RORB: variants seen among roughly 807,000 people sequenced by gnomAD.
The protein encoded by RORB is nuclear receptor ROR-beta.
RORB carries 6 observed loss-of-function variants against 59.1 expected under a neutral mutation model. The observed-to-expected ratio is 0.10, with a 90% CI of 0.06 to 0.20. The LOEUF is 0.20. RORB is among the 10% of genes least tolerant of loss of function. The pLI is 1.00. For synonymous variants in RORB, 215 were observed against 204.5 expected (o/e 1.05, Z -0.44); for missense variants, 320 against 560.5 (o/e 0.57, Z 4.33).
At chr9:74,639,514 A>T (rs374439784) in intron 3 of RORB, among the ~76,000 whole-genome samples, 10 of 139,100 alleles carry the variant, frequency 7.2e-5, no homozygotes, top group Admixed American at 1.4e-4. Context: ...AAAGGGTTTT[A>T]AAAAAAAAAA....
intron 1 of RORB, among the ~76,000 whole-genome samples, chr9:74,622,614 C>T (rs1157979522): frequency 6.7e-6 from 1 of 149,446 alleles, no homozygotes; most frequent in Non-Finnish European, 1.5e-5. Context: ...GCAACCTCCA[C>T]CTCCCGAGTT....
At chr9:74,529,251 G>A (rs1455137440) in intron 1 of RORB, among the ~76,000 whole-genome samples, 1 of 151,672 alleles carries the variant, frequency 6.6e-6, no homozygotes, top group Non-Finnish European at 1.5e-5. Flanking sequence ...AAAAATTAGG[G>A]AAGAAAGGAA....
rs11364568 is a variant in RORB at position 74,635,956 on chromosome 9, C to CAAAAA, written c.235+1196_235+1200dup. 5.5e-4 allele frequency among the ~76,000 whole-genome samples: 73 copies of CAAAAA among 131,618 alleles called. No homozygotes were observed. The South Asian group carries it at 6.3e-3, about 11-fold the overall frequency. The allele number at this position is 131,618 out of a possible 152,430, so 86.3% of individuals were successfully genotyped here. A position where few individuals can be genotyped will look rare whatever the true frequency, so the allele number is the denominator to read the frequency against. On this transcript the variant is annotated intron_variant, in intron 3 of 9. Coordinates refer to ENST00000376896, the MANE Select transcript of RORB (RefSeq NM_006914.4). ...AGTACACCTATAAAACAAATTTGAC[C>CAAAAA]AAAAAAAAAAAAAAAACAGAATCTG...
rs111311164 is a variant in RORB at position 74,651,551 on chromosome 9, A to G, written c.637+8736A>G. ...CTCTGTCTCAAAAAAAAAAAAAAGG[A>G]AAGAAAATTCTCATGTAGCCTCTCC... On this transcript the variant is annotated intron_variant, in intron 4 of 9. Transcript: ENST00000376896. Among the ~76,000 whole-genome samples, 1,467 of 151,868 alleles carry G rather than the reference A, an allele frequency of 9.7e-3. 32 individuals are homozygous for G. Among genetic ancestry groups the G allele is most frequent in the African/African-American group, 0.033 (1,369 of 41,394 alleles).
chr9:74,528,468 A>T (rs2118089866), intron 1 of RORB, among the ~76,000 whole-genome samples: 1 of 152,144 alleles, frequency 6.6e-6, no homozygotes, highest in South Asian at 2.1e-4. Context: ...GGATGTTTGA[A>T]TCCAGGATTT....
At chr9:74,675,890 G>A (rs1480528649) in intron 9 of RORB, among the ~76,000 whole-genome samples, 2 of 152,198 alleles carry the variant, frequency 1.3e-5, no homozygotes, top group Non-Finnish European at 2.9e-5. Context: ...CACTGCCGAG[G>A]TTAGAGAGAG....
At chr9:74,544,407 A>G (rs1013112726) in intron 1 of RORB, among the ~76,000 whole-genome samples, 2 of 152,212 alleles carry the variant, frequency 1.3e-5, no homozygotes, top group African/African-American at 4.8e-5. Context: ...GGTAGGGGGA[A>G]GGGATGTGCT....
intron 1 of RORB, among the ~76,000 whole-genome samples, chr9:74,537,028 G>A (rs1331577210): frequency 1.3e-5 from 2 of 152,008 alleles, no homozygotes; most frequent in Admixed American, 6.6e-5. Context: ...ATATAAGGCA[G>A]TTATAAGACC....
At position 74,514,713 on chromosome 9, in the gene RORB, G is replaced by T. The variant is rs1825984683; in HGVS notation, c.7+16730G>T. Among the ~76,000 whole-genome samples the T allele has an allele frequency of 2.7e-5, 4 of 149,582 alleles. No homozygotes were observed. The South Asian group carries it at 8.4e-4, about 31-fold the overall frequency. ...TTATATATACGTAAAATGAATGATA[G>T]AGGAGAATAAGACAATTGTAAACCT... is the stretch of plus-strand genomic sequence containing the variant. On this transcript the variant is annotated intron_variant, in intron 1 of 9. Transcript: ENST00000376896.
At chr9:74,590,314 A>T (rs192895355) in intron 1 of RORB, among the ~76,000 whole-genome samples, 165 of 152,340 alleles carry the variant, frequency 1.1e-3, no homozygotes, top group Middle Eastern at 6.8e-3. Context: ...ACATTTGGTG[A>T]CAGACTGATT....
chr9:74,593,466 TA>T (rs11343707), intron 1 of RORB, among the ~76,000 whole-genome samples: 77,101 of 124,466 alleles, frequency 0.62, 22,842 homozygotes, highest in East Asian at 0.75. Flanking sequence ...AAACTCCATC[TA>T]AAAAAAAAAA....
Position 74,662,629 on chromosome 9 carries a change from G to T in RORB, c.892+23G>T, listed in dbSNP as rs184041190. 7.4e-4 allele frequency: 1,185 copies of T among 1,610,740 alleles called. 15 individuals carry two copies. In the South Asian group the frequency reaches 7.7e-3, roughly 10 times the overall value. Reference sequence around the variant, plus strand: ...CAGGTAAGCAAGAAGATTCATGGGAGGCCTATTTCAGATAAGGATGTGGTC... The same window carrying T: ...CAGGTAAGCAAGAAGATTCATGGGATGCCTATTTCAGATAAGGATGTGGTC... On this transcript the variant is annotated intron_variant, in intron 6 of 9. Coordinates refer to ENST00000376896, the MANE Select transcript of RORB (RefSeq NM_006914.4).
At chr9:74,666,231 G>A (rs2118527824) in intron 7 of RORB, among the ~76,000 whole-genome samples, 1 of 152,284 alleles carries the variant, frequency 6.6e-6, no homozygotes, top group East Asian at 1.9e-4. Flanking sequence ...AGGTTGCAGT[G>A]AGCTGAGATA....
intron 1 of RORB, among the ~76,000 whole-genome samples, chr9:74,595,069 C>T (rs373206823): frequency 6.6e-5 from 10 of 152,142 alleles, no homozygotes; most frequent in African/African-American, 2.4e-4. Flanking sequence ...AAACTGGGGA[C>T]CCTTCACCAG....
intron 1 of RORB, among the ~76,000 whole-genome samples, chr9:74,533,103 A>T (rs1243038261): frequency 2.6e-5 from 4 of 151,754 alleles, no homozygotes; most frequent in Non-Finnish European, 5.9e-5. Context: ...TTTACTCATT[A>T]CACCACCTGC....
intron 1 of RORB, among the ~76,000 whole-genome samples, chr9:74,507,402 A>G (rs1825883998): frequency 6.6e-6 from 1 of 152,104 alleles, no homozygotes; most frequent in African/African-American, 2.4e-5. Context: ...ATGCAGACAT[A>G]CTATTGTTAT....
chr9:74,685,673 G>A lies in RORB; in HGVS notation c.*55G>A, dbSNP rs1344764981. ...GGAATGCATCACCATTAAGACAAAA[G>A]CAATGTGTTCATGAAGACTTAAGAA... On this transcript the variant is annotated 3_prime_UTR_variant, in exon 10 of 10. Coordinates refer to ENST00000376896, the MANE Select transcript of RORB (RefSeq NM_006914.4). 2.2e-6 allele frequency: 3 copies of A among 1,392,034 alleles called. No individual in the cohort carries two copies. The highest frequency in any genetic ancestry group is 4.8e-5 in the East Asian group (2 of 41,862). 86.2% of individuals were successfully genotyped at this position (1,392,034 alleles called of 1,614,324 possible).
At chr9:74,581,797 G>A (rs547137314) in intron 1 of RORB, among the ~76,000 whole-genome samples, 7 of 152,150 alleles carry the variant, frequency 4.6e-5, no homozygotes, top group Non-Finnish European at 8.8e-5. Flanking sequence ...GTAGGCATGA[G>A]AACACAGGGC....
chr9:74,498,283 C>T (rs1432302477), intron 1 of RORB: 1 of 434,122 alleles, frequency 2.3e-6, no homozygotes, highest in Non-Finnish European at 4.2e-6. Context: ...TTGTCGCTCT[C>T]GGGTGCGGAA....
Sources: gnomAD v4.1 joint callset for allele counts (sites outside exome capture counted in the v4.1 genomes callset) on GRCh38, gnomAD v4.1.1 for gene constraint, MANE v1.5 for transcripts, NCBI Gene and HGNC (gene_info 2026-07-23, HGNC 2026-07-21) for gene names.